Variants in SLC35F1 observed in about 807,000 individuals in gnomAD.
The protein encoded by SLC35F1 is chromosome 6 open reading frame 169.
SLC35F1 carries 14 observed loss-of-function variants against 48.7 expected under a neutral mutation model. The observed-to-expected ratio is 0.29, with a 90% CI of 0.19 to 0.45. SLC35F1 has a LOEUF of 0.45. Among genes scored for constraint, SLC35F1 ranks in the 20% least tolerant of loss-of-function variants. The pLI is 1.00. For synonymous variants in SLC35F1, 190 were observed against 202.2 expected, an observed-to-expected ratio of 0.94 and a Z score of 0.51; for missense variants, 404 against 500.0, an observed-to-expected ratio of 0.81 and a Z score of 1.83.
chr6:118,021,500 A>G (rs1490798452), intron 1 of SLC35F1, among the ~76,000 whole-genome samples: 1 of 152,168 alleles, frequency 6.6e-6, no homozygotes, highest in Non-Finnish European at 1.5e-5. Context: ...GACCTGGAAG[A>G]GCATTGTCAC....
At chr6:118,219,311 C>T (rs538788201) in intron 2 of SLC35F1, among the ~76,000 whole-genome samples, 34 of 152,224 alleles carry the variant, frequency 2.2e-4, no homozygotes, top group South Asian at 2.1e-4. Context: ...AATGTATGTT[C>T]GTAAGAGTGT....
chr6:118,061,756 T>C (rs549263854), intron 1 of SLC35F1, among the ~76,000 whole-genome samples: 137 of 152,222 alleles, frequency 9.0e-4, no homozygotes, highest in African/African-American at 3.2e-3. Context: ...GGGATGGTTT[T>C]GGGATGAAAC....
At chr6:118,185,058 T>C (rs1249972949) in intron 2 of SLC35F1, among the ~76,000 whole-genome samples, 1 of 152,148 alleles carries the variant, frequency 6.6e-6, no homozygotes, top group Non-Finnish European at 1.5e-5. Flanking sequence ...AGCACAGGTA[T>C]ACTTTTTTTA....
At chr6:118,019,954 C>T (rs1191669957) in intron 1 of SLC35F1, among the ~76,000 whole-genome samples, 1 of 152,140 alleles carries the variant, frequency 6.6e-6, no homozygotes, top group East Asian at 1.9e-4. Context: ...CAGATTGAAC[C>T]CCTTGGTCAA....
In SLC35F1 at chr6:118,314,192, A is replaced by C. The variant is rs758526261; in HGVS notation, c.1167A>C (p.Ser389=). Residue 389 remains serine, a synonymous_variant, in exon 8 of 8, where the codon TCA becomes TCC. Transcript: ENST00000360388. ...CGACCACAGCTCAGGTGGAACCCTCAGTCACCTACACCAGCCTGGGCCAGG... is the reference window on the plus strand; with the variant it reads ...CGACCACAGCTCAGGTGGAACCCTCCGTCACCTACACCAGCCTGGGCCAGG... ...DLPTTAQVEP[S]VTYTSLGQET... The C allele has an allele frequency of 1.9e-6, 3 of 1,614,162 alleles. No individual in the cohort carries two copies. The Admixed American group carries it at 5.0e-5, about 27-fold the overall frequency.
chr6:118,110,818 C>T (rs1343508297), intron 1 of SLC35F1, among the ~76,000 whole-genome samples: 1 of 152,022 alleles, frequency 6.6e-6, no homozygotes, highest in Non-Finnish European at 1.5e-5. Flanking sequence ...ATTCTATAGT[C>T]CTATGATTAG....
At chr6:118,239,617 C>T (rs1393096046) in intron 3 of SLC35F1, among the ~76,000 whole-genome samples, 3 of 152,052 alleles carry the variant, frequency 2.0e-5, no homozygotes, top group South Asian at 2.1e-4. Context: ...TTCTTAATAG[C>T]TGGTCCCCTG....
chr6:118,168,810 G>A (rs1213163889), intron 2 of SLC35F1, among the ~76,000 whole-genome samples: 2 of 152,092 alleles, frequency 1.3e-5, no homozygotes, highest in Non-Finnish European at 2.9e-5. Context: ...TTTCTAACAA[G>A]TCCCATAAAA....
At chr6:117,983,267 A>G (rs1776805305) in intron 1 of SLC35F1, among the ~76,000 whole-genome samples, 1 of 152,172 alleles carries the variant, frequency 6.6e-6, no homozygotes. Flanking sequence ...ACCTTTGGAC[A>G]AGTGGCTTGT....
intron 1 of SLC35F1, among the ~76,000 whole-genome samples, chr6:118,021,834 G>A (rs907990955): frequency 1.6e-4 from 24 of 152,176 alleles, no homozygotes; most frequent in African/African-American, 5.1e-4. Context: ...TGGTGGCTCC[G>A]CTATGGCTAG....
At chr6:118,189,736 C>T (rs1232941483) in intron 2 of SLC35F1, among the ~76,000 whole-genome samples, 3 of 152,104 alleles carry the variant, frequency 2.0e-5, no homozygotes, top group Admixed American at 2.0e-4. Context: ...ATCGGGCAGC[C>T]CCCAGAATCA....
intron 1 of SLC35F1, among the ~76,000 whole-genome samples, chr6:117,923,581 G>GTATATATACATA (rs1775932721): frequency 1.8e-5 from 1 of 55,002 alleles, no homozygotes; most frequent in East Asian, 6.1e-4. Context: ...ACATATGTGT[G>GTATATATACATA]TGTATATATA....
At chr6:117,913,092 G>A (rs2114794747) in intron 1 of SLC35F1, among the ~76,000 whole-genome samples, 1 of 152,268 alleles carries the variant, frequency 6.6e-6, no homozygotes, top group African/African-American at 2.4e-5. Context: ...ATAATATGGA[G>A]CATGTGAAAG....
intron 4 of SLC35F1, among the ~76,000 whole-genome samples, chr6:118,274,389 T>G (rs1775894013): frequency 6.6e-6 from 1 of 152,194 alleles, no homozygotes; most frequent in Non-Finnish European, 1.5e-5. Flanking sequence ...AAATTGAGTT[T>G]ATTTTTATTT....
chr6:118,297,158 C>T (rs1008421539), intron 7 of SLC35F1, among the ~76,000 whole-genome samples: 23 of 152,220 alleles, frequency 1.5e-4, no homozygotes, highest in Non-Finnish European at 2.9e-4. Context: ...CCCTCATTTC[C>T]TTGACTTTTA....
At position 118,122,785 on chromosome 6, in the gene SLC35F1, G is replaced by A. The variant is rs146009444; in HGVS notation, c.174-31660G>A. Reference sequence around the variant, plus strand: ...AAAGTCTGGTTAATTCCAGACCCTGGCTAATTGGCATCCAAATAATTAAGA... The same window carrying A: ...AAAGTCTGGTTAATTCCAGACCCTGACTAATTGGCATCCAAATAATTAAGA... On this transcript the variant is annotated intron_variant, in intron 1 of 7. Transcript: ENST00000360388. Among the ~76,000 whole-genome samples the A allele has an allele frequency of 6.6e-3, 1,008 of 152,280 alleles. 8 individuals are homozygous for A. Among genetic ancestry groups the A allele is most frequent in the Middle Eastern group, 0.014 (4 of 294 alleles).
At chr6:118,051,007 C>T (rs1285199595) in intron 1 of SLC35F1, among the ~76,000 whole-genome samples, 4 of 152,224 alleles carry the variant, frequency 2.6e-5, no homozygotes, top group Non-Finnish European at 5.9e-5. Flanking sequence ...TTGACATCCC[C>T]TTCTGCTATC....
chr6:118,055,141 T>C (rs1401176198), intron 1 of SLC35F1, among the ~76,000 whole-genome samples: 1 of 152,238 alleles, frequency 6.6e-6, no homozygotes. Flanking sequence ...TATTGATATC[T>C]AGTTTAAATA....
intron 1 of SLC35F1, among the ~76,000 whole-genome samples, chr6:117,913,004 T>G (rs765545669): frequency 8.5e-5 from 13 of 152,274 alleles, no homozygotes; most frequent in Non-Finnish European, 1.6e-4. Flanking sequence ...ATTGAGCTGC[T>G]GCTCATATCG....
Sources: allele counts gnomAD v4.1 joint callset (sites outside exome capture counted in the v4.1 genomes callset), GRCh38; gene constraint gnomAD v4.1.1; transcripts MANE v1.5; gene names NCBI Gene and HGNC (gene_info 2026-07-23, HGNC 2026-07-21).